OTOGL: variants seen among roughly 807,000 people sequenced by gnomAD.
OTOGL encodes otogelin like, also known as otogelin-like protein.
OTOGL carries 285 observed loss-of-function variants against 318.5 expected under a neutral mutation model. That is an observed-to-expected ratio of 0.89 (90% CI 0.81 to 0.99). The LOEUF is 0.99. Ranked by LOEUF, OTOGL falls within the 50% of genes least tolerant of loss-of-function variation. The probability of loss-of-function intolerance (pLI) is 0.00; values close to 1 mark genes in which losing one functional copy is unlikely to be tolerated. For synonymous variants in OTOGL, 987 were observed against 936.5 expected, an observed-to-expected ratio of 1.05 and a Z score of -0.99; for missense variants, 2,899 against 2,845.6, an observed-to-expected ratio of 1.02 and a Z score of -0.43.
At chr12:80,107,573 G>T (rs11829751) in intron 1 of OTOGL, among the ~76,000 whole-genome samples, 1 of 151,988 alleles carries the variant, frequency 6.6e-6, no homozygotes, top group African/African-American at 2.4e-5. Flanking sequence ...CAGAATTACC[G>T]TTCGACCTAG....
At chr12:80,170,321 G>T (rs527366372) in intron 1 of OTOGL, among the ~76,000 whole-genome samples, 8 of 151,894 alleles carry the variant, frequency 5.3e-5, no homozygotes, top group Admixed American at 5.2e-4. Context: ...AATTTGCATG[G>T]CTCTAATGAC....
intron 52 of OTOGL, among the ~76,000 whole-genome samples, chr12:80,365,355 G>A (rs1215544997): frequency 6.6e-6 from 1 of 152,078 alleles, no homozygotes; most frequent in Admixed American, 6.6e-5. Context: ...AGCAATTAAA[G>A]AGGTATTTCC....
chr12:80,367,631 G>A lies in OTOGL; in HGVS notation c.6402G>A (p.Leu2134=), dbSNP rs11114416. ...LNPGQSMIKY[L]EEDFCYAIEC... ...CTGGACAATCCATGATAAAGTATTT[G>A]GAAGAAGACTTTTGTTATGCTATAG... Residue 2134 remains leucine (L), a synonymous_variant, in exon 54 of 59, where the codon TTG becomes TTA. Transcript: ENST00000547103. 5 of 1,536,892 alleles carry A rather than the reference G, an allele frequency of 3.3e-6. No homozygotes were observed. Among genetic ancestry groups the A allele is most frequent in the Non-Finnish European group, 2.7e-6 (3 of 1,131,128 alleles).
At chr12:80,146,526 G>T (rs1035305226) in intron 1 of OTOGL, among the ~76,000 whole-genome samples, 8 of 151,346 alleles carry the variant, frequency 5.3e-5, no homozygotes, top group Non-Finnish European at 1.0e-4. Context: ...TCTCTTTTTT[G>T]GTTGTGTCTC....
chr12:80,137,322 T>C (rs1479559572), intron 1 of OTOGL, among the ~76,000 whole-genome samples: 1 of 152,174 alleles, frequency 6.6e-6, no homozygotes, highest in African/African-American at 2.4e-5. Context: ...TGTCATCTAG[T>C]TGTCTAAACT....
intron 1 of OTOGL, among the ~76,000 whole-genome samples, chr12:80,144,299 T>G (rs111476700): frequency 0.064 from 9,747 of 151,734 alleles, 987 homozygotes; most frequent in African/African-American, 0.22. Context: ...AGTGAGAATA[T>G]GCGGTGTTTG....
intron 1 of OTOGL, among the ~76,000 whole-genome samples, chr12:80,139,900 A>G (rs1394394624): frequency 1.3e-5 from 2 of 152,122 alleles, no homozygotes; most frequent in Non-Finnish European, 2.9e-5. Context: ...ATGTTCTACT[A>G]ACATCCTACA....
intron 1 of OTOGL, among the ~76,000 whole-genome samples, chr12:80,115,885 G>A (rs986982026): frequency 5.4e-4 from 82 of 152,146 alleles, no homozygotes; most frequent in African/African-American, 1.9e-3. Context: ...CTCAGTAATG[G>A]TGGACACCCC....
intron 1 of OTOGL, among the ~76,000 whole-genome samples, chr12:80,167,217 C>A (rs1026639378): frequency 6.6e-6 from 1 of 152,078 alleles, no homozygotes; most frequent in Non-Finnish European, 1.5e-5. Context: ...AAATGGCGAA[C>A]AATTCAGCCT....
intron 1 of OTOGL, among the ~76,000 whole-genome samples, chr12:80,140,861 G>A (rs1022848725): frequency 3.3e-5 from 5 of 152,090 alleles, no homozygotes; most frequent in Admixed American, 2.0e-4. Context: ...AAATATATAC[G>A]GACATCAGTA....
chr12:80,265,400 C>A, intron 20 of OTOGL, 190 bp downstream of exon 20: 3 of 664,010 alleles, frequency 4.5e-6, no homozygotes, highest in Non-Finnish European at 7.4e-6. Flanking sequence ...TGGATAAGAC[C>A]AATAACTTTT....
intron 57 of OTOGL, among the ~76,000 whole-genome samples, chr12:80,376,076 G>A (rs1268072504): frequency 6.6e-6 from 1 of 151,982 alleles, no homozygotes; most frequent in Non-Finnish European, 1.5e-5. Context: ...TTAAAAAAAA[G>A]AGGACAGAGT....
At position 80,353,465 on chromosome 12, in the gene OTOGL, C is replaced by A; in HGVS notation, c.5548C>A (p.Leu1850Ile). The A allele has an allele frequency of 2.5e-6, 4 of 1,600,092 alleles. No individual in the cohort carries two copies. The highest frequency in any genetic ancestry group is 1.1e-5 in the South Asian group (1 of 88,054). Residue 1850 changes from leucine to isoleucine, a missense_variant, in exon 46 of 59, where the codon CTT becomes ATT. By Grantham distance (5) the Leu-to-Ile change is conservative. Coordinates refer to ENST00000547103, the MANE Select transcript of OTOGL (RefSeq NM_001378609.3). ...CTGTGTGTGCAAAGTTGGAACTATT[C>A]TTCACAGGCCACATTCAGCCCAGTG... ...EDCVCKVGTI[L>I]HRPHSAQCIP...
intron 1 of OTOGL, chr12:80,131,980 T>C (rs534863306): frequency 2.6e-5 from 4 of 152,338 alleles, no homozygotes; most frequent in African/African-American, 9.6e-5. Flanking sequence ...ATGTTTCATG[T>C]CCTTCATCAT....
At position 80,278,224 on chromosome 12, in the gene OTOGL, A is replaced by G; in HGVS notation, c.2738A>G (p.Lys913Arg). Residue 913 changes from lysine to arginine, a missense_variant, in exon 25 of 59, where the codon AAA becomes AGA. Around this residue, in one of 3 missense-constraint regions of OTOGL, gnomAD observed 2,607 missense variants for 2,524.9 expected, o/e 1.03. Coordinates refer to ENST00000547103, the MANE Select transcript of OTOGL (RefSeq NM_001378609.3). Reference protein sequence around the residue: ...YVPESCPCIWKDWEYLSGEVI... With the variant: ...YVPESCPCIWRDWEYLSGEVI... ...CCTGAAAGCTGCCCATGTATTTGGA[A>G]AGATTGGGAGTATCTCTCAGGAGAA... The G allele has an allele frequency of 6.5e-7, 1 of 1,547,088 alleles. No homozygotes were observed. The highest frequency in any genetic ancestry group is 8.7e-7 in the Non-Finnish European group (1 of 1,144,412).
At chr12:80,225,077 A>C (rs749448778) in intron 7 of OTOGL, among the ~76,000 whole-genome samples, 1 of 152,050 alleles carries the variant, frequency 6.6e-6, no homozygotes, top group Non-Finnish European at 1.5e-5. Flanking sequence ...ACAAAATAAC[A>C]AATGTATTTA....
intron 53 of OTOGL, among the ~76,000 whole-genome samples, chr12:80,367,211 G>A (rs1401276477): frequency 6.7e-6 from 1 of 149,728 alleles, no homozygotes; most frequent in Non-Finnish European, 1.5e-5. Flanking sequence ...CTGGTCTCTA[G>A]CAATCCTCTC....
intron 1 of OTOGL, among the ~76,000 whole-genome samples, chr12:80,150,689 G>C (rs571182852): frequency 6.6e-5 from 10 of 152,324 alleles, no homozygotes; most frequent in African/African-American, 2.2e-4. Flanking sequence ...CCTTTGGTGA[G>C]TCATGGATCA....
intron 1 of OTOGL, among the ~76,000 whole-genome samples, chr12:80,158,796 C>T (rs1873301850): frequency 6.6e-6 from 1 of 152,028 alleles, no homozygotes; most frequent in South Asian, 2.1e-4. Flanking sequence ...AGTTTGACTT[C>T]CTCTTTACTG....
Sources: allele counts gnomAD v4.1 joint callset (sites outside exome capture counted in the v4.1 genomes callset), GRCh38; gene constraint gnomAD v4.1.1; regional missense constraint gnomAD v4.1.1; transcripts MANE v1.5; gene names NCBI Gene and HGNC (gene_info 2026-07-23, HGNC 2026-07-21).